Variants in PDXK observed in about 807,000 individuals in gnomAD.
PDXK encodes epididymis secretory sperm binding protein Li 1a.
A neutral mutation model predicts 43.2 loss-of-function variants in PDXK; 15 were observed. The observed-to-expected ratio is 0.35, with a 90% CI of 0.23 to 0.53. PDXK has a LOEUF of 0.53. PDXK is among the 20% of genes least tolerant of loss of function. The pLI is 0.92. For missense variants in PDXK, 343 were observed against 417.0 expected (o/e 0.82, Z 1.54); for synonymous variants, 172 against 165.4 (o/e 1.04, Z -0.31).
intron 9 of PDXK, 50 bp downstream of exon 9, chr21:43,753,769 T>A: frequency 6.4e-7 from 1 of 1,566,656 alleles, no homozygotes; most frequent in South Asian, 1.2e-5. Flanking sequence ...CGGCACCTCA[T>A]GGGGAGCAGG....
rs1202095394 is a variant in PDXK at position 43,761,664 on chromosome 21, C to T, written c.*5601C>T. ...CTGAAGCCCTCGAGTGACTTTCTAA[C>T]CCAAGACCCAGCCCCTGGCAGGAGG... On this transcript the variant is annotated 3_prime_UTR_variant, in exon 11 of 11. Transcript: ENST00000291565. 6.7e-6 allele frequency: 1 copy of T among 150,226 alleles called. No homozygotes were observed. Among genetic ancestry groups the T allele is most frequent in the African/African-American group, 2.5e-5 (1 of 40,724 alleles). 9.3% of individuals were successfully genotyped at this position (150,226 alleles called of 1,614,324 possible).
At chr21:43,744,750 C>CG (rs1249191580) in intron 4 of PDXK, 1 of 152,268 alleles carries the variant, frequency 6.6e-6, no homozygotes, top group African/African-American at 2.4e-5. Flanking sequence ...TGTGACCCAG[C>CG]AATTCCGCCC....
chr21:43,727,105 G>A (rs1234402829), intron 1 of PDXK, among the ~76,000 whole-genome samples: 2 of 152,246 alleles, frequency 1.3e-5, no homozygotes, highest in African/African-American at 4.8e-5. Flanking sequence ...TCCCTGGAAA[G>A]GGAGGGGCGG....
chr21:43,756,093 C>T lies in PDXK; in HGVS notation c.*30C>T, dbSNP rs763676815. 1.5e-4 allele frequency: 187 copies of T among 1,261,812 alleles called. 1 individual carries two copies. Among genetic ancestry groups the T allele is most frequent in the Non-Finnish European group, 7.9e-5 (69 of 869,672 alleles). 78.2% of individuals were successfully genotyped at this position (1,261,812 alleles called of 1,614,324 possible). A position where few individuals can be genotyped will look rare whatever the true frequency, so the allele number is the denominator to read the frequency against. ...CCCGCCGCTTGCCCGTGACACGCAG[C>T]GCGTTGGTGTCTCCGTGTTTGTCCC... On this transcript the variant is annotated 3_prime_UTR_variant, in exon 11 of 11. Transcript: ENST00000291565.
intron 3 of PDXK, among the ~76,000 whole-genome samples, chr21:43,742,859 C>A (rs770200626): frequency 3.9e-5 from 6 of 152,096 alleles, no homozygotes; most frequent in Non-Finnish European, 8.8e-5. Flanking sequence ...CAGAATGAGA[C>A]CCTGTCTCAA....
intron 2 of PDXK, among the ~76,000 whole-genome samples, chr21:43,739,519 T>C (rs1036035618): frequency 3.4e-5 from 5 of 147,454 alleles, no homozygotes; most frequent in Non-Finnish European, 4.6e-5. Flanking sequence ...CTTACAGTTA[T>C]GGCAGAAGGG....
rs775481199 is a variant in PDXK at position 43,743,789 on chromosome 21, A to G, written c.313A>G (p.Asn105Asp). 1.2e-6 allele frequency: 2 copies of G among 1,613,450 alleles called. No individual in the cohort carries two copies. Among genetic ancestry groups the G allele is most frequent in the Non-Finnish European group, 1.7e-6 (2 of 1,179,526 alleles). Residue 105 changes from asparagine to aspartate, a missense_variant, in exon 4 of 11, where the codon AAC becomes GAC. Asn to Asp is a conservative substitution (Grantham distance 23, BLOSUM62 1). Transcript: ENST00000291565. ...CATTGTGCAGGAGCTGAAGCAGCAG[A>G]ACCCCAGGCTGGTGTACGGTAGGCA... ...VDIVQELKQQ[N>D]PRLVYVCDPV...
intron 2 of PDXK, chr21:43,738,935 CTTT>C (rs35979481): frequency 7.3e-5 from 10 of 137,904 alleles, no homozygotes; most frequent in Non-Finnish European, 7.8e-5. Flanking sequence ...TTTTCTTTTT[CTTT>C]TTTTTTTTTT....
intron 1 of PDXK, chr21:43,719,727 C>T (rs1252958699): frequency 1.0e-6 from 1 of 985,300 alleles, no homozygotes; most frequent in Non-Finnish European, 1.2e-6. Flanking sequence ...GGTGCGGCTC[C>T]CGGAGGCGAG....
chr21:43,728,086 T>C (rs2083271790), intron 1 of PDXK, among the ~76,000 whole-genome samples: 1 of 152,104 alleles, frequency 6.6e-6, no homozygotes, highest in Non-Finnish European at 1.5e-5. Flanking sequence ...TGAGCAGGGC[T>C]GGGGGCCCAG....
In PDXK at chr21:43,734,318, C is replaced by G. The variant is rs986284615; in HGVS notation, c.142+195C>G. 6.6e-6 allele frequency among the ~76,000 whole-genome samples: 1 copy of G among 151,166 alleles called. No homozygotes were observed. The highest frequency in any genetic ancestry group is 2.4e-5 in the African/African-American group (1 of 41,076). On this transcript the variant is annotated intron_variant, in intron 2 of 10. Coordinates refer to ENST00000291565, the MANE Select transcript of PDXK (RefSeq NM_003681.5). This position sits in a 1 kb window ranked among gnomAD's most constrained non-coding sequence, Gnocchi z 5.0. ...CAGGGTGTAGGCCTGGGTGGCCTCG[C>G]CTCTGAGAGGGGTTGTGTTGACTCA...
At chr21:43,755,892 G>A (rs1286263983) in intron 10 of PDXK, 59 bp from the exon 11 acceptor site, 5 of 1,465,070 alleles carry the variant, frequency 3.4e-6, no homozygotes, top group South Asian at 1.1e-5. Context: ...TCTGGGAGTG[G>A]GGGCAACAGC....
intron 2 of PDXK, among the ~76,000 whole-genome samples, chr21:43,736,793 G>A (rs7282274): frequency 2.6e-5 from 4 of 151,054 alleles, no homozygotes; most frequent in African/African-American, 7.3e-5. Context: ...CCACCACACC[G>A]AGCTAATTTT....
intron 2 of PDXK, among the ~76,000 whole-genome samples, chr21:43,740,486 G>A (rs1250743278): frequency 6.6e-6 from 1 of 152,012 alleles, no homozygotes; most frequent in Non-Finnish European, 1.5e-5. Flanking sequence ...AGGAGGCCGG[G>A]AGCCCCTCGA....
intron 3 of PDXK, 32 bp from the exon 4 acceptor site, chr21:43,743,692 T>G (rs1408694627): frequency 6.7e-7 from 1 of 1,502,926 alleles, no homozygotes; most frequent in Admixed American, 1.7e-5. Context: ...GTCTCCTGTT[T>G]TCTGAGGGTG....
rs1568975611 is a variant in PDXK, at chr21:43,732,083, G to C, written c.88-1986G>C. The C allele has an allele frequency of 8.9e-7, 1 of 1,123,410 alleles. No homozygotes were observed. Among genetic ancestry groups the C allele is most frequent in the Non-Finnish European group, 1.1e-6 (1 of 891,910 alleles). The allele number at this position is 1,123,410 out of a possible 1,614,324, so 69.6% of individuals were successfully genotyped here. ...CGGTCACTACCGCTGCCCCTGTGGG[G>C]AGAAGAGCCCCGGGGGAAGAAGAGC... On this transcript the variant is annotated intron_variant, in intron 1 of 10. Transcript: ENST00000291565. This position sits in a 1 kb window ranked among gnomAD's most constrained non-coding sequence, Gnocchi z 4.1.
At chr21:43,748,861 G>A (rs2083683884) in intron 5 of PDXK, 134 bp from the exon 6 acceptor site, 3 of 641,954 alleles carry the variant, frequency 4.7e-6, no homozygotes, top group Admixed American at 2.6e-5. Context: ...CGCTACAGTC[G>A]GGGGGCCTGG....
chr21:43,750,863 C>T (rs1048979841), intron 7 of PDXK, among the ~76,000 whole-genome samples: 29 of 148,312 alleles, frequency 2.0e-4, no homozygotes, highest in Admixed American at 8.7e-4. Flanking sequence ...TGTGCATGTG[C>T]GTCTGTGTGC....
chr21:43,756,117 C>G lies in PDXK; in HGVS notation c.*54C>G. 1 of 1,034,576 alleles carries G rather than the reference C, an allele frequency of 9.7e-7. No homozygotes were observed. 64.1% of individuals were successfully genotyped at this position (1,034,576 alleles called of 1,614,324 possible). On this transcript the variant is annotated 3_prime_UTR_variant, in exon 11 of 11. Transcript: ENST00000291565. ...GCGCGTTGGTGTCTCCGTGTTTGTCCCTGTGAAAACATGTAACGTCTGCCT... is the reference window on the plus strand; with the variant it reads ...GCGCGTTGGTGTCTCCGTGTTTGTCGCTGTGAAAACATGTAACGTCTGCCT...
Sources: allele counts gnomAD v4.1 joint callset (sites outside exome capture counted in the v4.1 genomes callset), GRCh38; gene constraint gnomAD v4.1.1; non-coding constraint Gnocchi (gnomAD v3.1); transcripts MANE v1.5; gene names NCBI Gene and HGNC (gene_info 2026-07-23, HGNC 2026-07-21).